GABRB3: variants seen among roughly 807,000 people sequenced by gnomAD.
GABRB3 encodes the protein gamma-aminobutyric acid type A receptor subunit beta3.
GABRB3 carries 14 observed loss-of-function variants against 52.1 expected under a neutral mutation model. The observed-to-expected ratio is 0.27, with a 90% CI of 0.18 to 0.42. GABRB3 has a LOEUF of 0.42. GABRB3 is among the 10% of genes least tolerant of loss of function. The pLI is 1.00. For synonymous variants in GABRB3, 260 were observed against 232.3 expected (o/e 1.12, Z -1.08); for missense variants, 307 against 609.1 (o/e 0.50, Z 5.22).
At chr15:26,678,375 C>T (rs1486364362) in intron 3 of GABRB3, among the ~76,000 whole-genome samples, 2 of 152,210 alleles carry the variant, frequency 1.3e-5, no homozygotes, top group Non-Finnish European at 2.9e-5. Flanking sequence ...TCCTGGCCTT[C>T]AGCAAGCACG....
intron 4 of GABRB3, among the ~76,000 whole-genome samples, chr15:26,605,959 G>C (rs537472874): frequency 6.6e-6 from 1 of 152,098 alleles, no homozygotes; most frequent in Non-Finnish European, 1.5e-5. Flanking sequence ...CGAATACGAA[G>C]GAGGCACGTC....
chr15:26,740,567 C>T (rs1890176513), intron 3 of GABRB3, among the ~76,000 whole-genome samples: 1 of 152,098 alleles, frequency 6.6e-6, no homozygotes, highest in Non-Finnish European at 1.5e-5. Context: ...CTCTCCTCCT[C>T]CTCTGGAGCA....
intron 3 of GABRB3, among the ~76,000 whole-genome samples, chr15:26,684,863 A>T (rs939960449): frequency 3.9e-5 from 6 of 152,230 alleles, no homozygotes; most frequent in African/African-American, 1.4e-4. Flanking sequence ...ACCATGACAG[A>T]CAGAATGATA....
chr15:26,754,604 T>C (rs1481002313), intron 3 of GABRB3, among the ~76,000 whole-genome samples: 1 of 152,224 alleles, frequency 6.6e-6, no homozygotes, highest in Non-Finnish European at 1.5e-5. Flanking sequence ...TTAAATGATG[T>C]CTGACTTTTT....
intron 3 of GABRB3, among the ~76,000 whole-genome samples, chr15:26,715,542 G>A (rs1889441119): frequency 1.3e-5 from 2 of 152,174 alleles, no homozygotes; most frequent in Admixed American, 1.3e-4. Flanking sequence ...GAACGAGAAG[G>A]ACATGACTTA....
rs144798220 is a variant in GABRB3, at chr15:26,747,719, A to G, written c.240+24683T>C. Among the ~76,000 whole-genome samples the G allele has an allele frequency of 4.6e-5, 7 of 152,284 alleles. No individual in the cohort carries two copies. The East Asian group carries it at 1.4e-3, about 29-fold the overall frequency. On this transcript the variant is annotated intron_variant, in intron 3 of 8. Transcript: ENST00000311550. ...GTTTTCTATTTATCACCTGTGCTTT[A>G]CTAAAGTAGCTAAAATAAGATAGGT...
chr15:26,641,296 G>A (rs1019338518), intron 3 of GABRB3, among the ~76,000 whole-genome samples: 2 of 152,326 alleles, frequency 1.3e-5, no homozygotes, highest in African/African-American at 2.4e-5. Flanking sequence ...TGCATGCTAC[G>A]ACTTCCCAGA....
At chr15:26,573,346 A>C (rs946906130) in intron 6 of GABRB3, among the ~76,000 whole-genome samples, 1 of 152,164 alleles carries the variant, frequency 6.6e-6, no homozygotes, top group Non-Finnish European at 1.5e-5. Flanking sequence ...TGTTGAAAAA[A>C]CCCATTAAGA....
chr15:26,721,010 A>G (rs754210837), intron 3 of GABRB3, among the ~76,000 whole-genome samples: 1 of 152,116 alleles, frequency 6.6e-6, no homozygotes, highest in African/African-American at 2.4e-5. Context: ...AACATGTCAA[A>G]TCTCAGTAAA....
chr15:26,590,507 T>G (rs1891155965), intron 4 of GABRB3, among the ~76,000 whole-genome samples: 1 of 152,194 alleles, frequency 6.6e-6, no homozygotes, highest in Non-Finnish European at 1.5e-5. Flanking sequence ...GCTATCATTT[T>G]ACCAGGAAAA....
chr15:26,547,615 C>G lies in GABRB3; in HGVS notation c.*178G>C. On this transcript the variant is annotated 3_prime_UTR_variant, in exon 9 of 9. Transcript: ENST00000311550. ...GTATAAACATATACACATACATCCT[C>G]ATATACACGTGTATTTTATATATAT... 1 of 625,336 alleles carries G rather than the reference C, an allele frequency of 1.6e-6. No individual in the cohort carries two copies. The highest frequency in any genetic ancestry group is 1.8e-5 in the African/African-American group (1 of 54,598). The allele number at this position is 625,336 out of a possible 1,614,324, so 38.7% of individuals were successfully genotyped here.
Position 26,580,368 on chromosome 15 carries a change from G to A in GABRB3, c.633C>T (p.Phe211=), listed in dbSNP as rs1240018698. Residue 211 remains phenylalanine, a synonymous_variant, in exon 6 of 9, where the codon TTC becomes TTT. Coordinates refer to ENST00000311550, the MANE Select transcript of GABRB3 (RefSeq NM_000814.6). The part of the protein sequence containing the change: ...TGVERIELPQ[F]SIVEHRLVSR... ...AGACCAGACGGTGCTCCACGATGGA[G>A]AACTGCGGGAGCTCAATCCTTTCCA... is the stretch of plus-strand genomic sequence containing the variant. 5.6e-6 allele frequency: 9 copies of A among 1,614,202 alleles called. No homozygotes were observed. The highest frequency in any genetic ancestry group is 7.6e-6 in the Non-Finnish European group (9 of 1,180,036).
At chr15:26,558,366 C>T (rs1187897104) in intron 8 of GABRB3, among the ~76,000 whole-genome samples, 2 of 152,276 alleles carry the variant, frequency 1.3e-5, no homozygotes, top group East Asian at 3.9e-4. Context: ...TGGGCCTCTG[C>T]CAGGTCTATG....
chr15:26,561,396 C>T (rs1889980266), intron 7 of GABRB3, among the ~76,000 whole-genome samples: 1 of 152,242 alleles, frequency 6.6e-6, no homozygotes, highest in Non-Finnish European at 1.5e-5. Context: ...GGAAGTGAAG[C>T]CGTGCAGGGC....
At position 26,621,382 on chromosome 15, in the gene GABRB3, C is replaced by A. The variant is rs1892476911; in HGVS notation, c.393G>T (p.Val131=). Residue 131 remains valine (V), a synonymous_variant, in exon 4 of 9, where the codon GTG becomes GTT. Coordinates refer to ENST00000311550, the MANE Select transcript of GABRB3 (RefSeq NM_000814.6). The surrounding 1 kb of genome is among the most constrained non-coding windows in gnomAD (Gnocchi z 4.1). The part of the protein sequence containing the change: ...TYFLNDKKSF[V]HGVTVKNRMI... ...TGCGGTTTTTCACTGTCACTCCATGCACAAATGACTTTTTGTCATTTAAGA... is the reference window on the plus strand; with the variant it reads ...TGCGGTTTTTCACTGTCACTCCATGAACAAATGACTTTTTGTCATTTAAGA... 1.9e-6 allele frequency: 3 copies of A among 1,614,048 alleles called. No individual in the cohort carries two copies. Among genetic ancestry groups the A allele is most frequent in the Non-Finnish European group, 2.5e-6 (3 of 1,180,048 alleles).
At chr15:26,695,466 C>T (rs564585294) in intron 3 of GABRB3, among the ~76,000 whole-genome samples, 1 of 152,184 alleles carries the variant, frequency 6.6e-6, no homozygotes, top group South Asian at 2.1e-4. Context: ...AAGAAGATAA[C>T]TAACAACCTG....
At chr15:26,629,285 G>A (rs2140555900) in intron 3 of GABRB3, 3 of 967,986 alleles carry the variant, frequency 3.1e-6, no homozygotes, top group Non-Finnish European at 4.3e-6. Flanking sequence ...TGTGGCTCGA[G>A]GGGCGTGGCC....
intron 3 of GABRB3, among the ~76,000 whole-genome samples, chr15:26,709,337 C>T (rs933403845): frequency 1.3e-5 from 2 of 151,900 alleles, no homozygotes; most frequent in East Asian, 3.9e-4. Flanking sequence ...TTAAAAGGCC[C>T]GTACCCCCTA....
At chr15:26,607,394 G>A (rs1368348127) in intron 4 of GABRB3, among the ~76,000 whole-genome samples, 1 of 152,006 alleles carries the variant, frequency 6.6e-6, no homozygotes, top group Admixed American at 6.6e-5. Context: ...AACATAACAA[G>A]GCCCATCTCT....
Sources: gnomAD v4.1 joint callset for allele counts (sites outside exome capture counted in the v4.1 genomes callset) on GRCh38, gnomAD v4.1.1 for gene constraint, Gnocchi (gnomAD v3.1) non-coding constraint, MANE v1.5 for transcripts, NCBI Gene and HGNC (gene_info 2026-07-23, HGNC 2026-07-21) for gene names.